Variants in CDC42BPG observed in about 807,000 individuals in gnomAD.
CDC42BPG encodes the protein CDC42 binding protein kinase gamma, also known as serine/threonine-protein kinase MRCK gamma.
In CDC42BPG, 157 loss-of-function variants were observed where a neutral mutation model predicts 192.2. The observed-to-expected ratio is 0.82, with a 90% CI of 0.72 to 0.93. CDC42BPG has a LOEUF of 0.93. CDC42BPG is among the 40% of genes least tolerant of loss of function. CDC42BPG has a pLI of 0.00. For missense variants in CDC42BPG, 1,992 were observed against 2,122.1 expected, an observed-to-expected ratio of 0.94 and a Z score of 1.20; for synonymous variants, 981 against 918.5, an observed-to-expected ratio of 1.07 and a Z score of -1.23.
At position 64,839,373 on chromosome 11, in the gene CDC42BPG, C is replaced by T. The variant is rs1943174740; in HGVS notation, c.675+105G>A. 1.1e-5 allele frequency: 16 copies of T among 1,491,050 alleles called. No homozygotes were observed. The East Asian group carries it at 3.7e-4, about 35-fold the overall frequency. The allele number at this position is 1,491,050 out of a possible 1,614,324, so 92.4% of individuals were successfully genotyped here. A position where few individuals can be genotyped will look rare whatever the true frequency, so the allele number is the denominator to read the frequency against. On this transcript the variant is annotated intron_variant, in intron 6 of 36. Transcript: ENST00000342711. ...CTGGGGCCTGGGTCTCACCCACCTT[C>T]CCCGGGGGGCCTGATGCCTCTGCAC...
At chr11:64,826,328 G>A (rs1424815675) in intron 36 of CDC42BPG, 142 bp downstream of exon 36, 1 of 665,234 alleles carries the variant, frequency 1.5e-6, no homozygotes, top group Non-Finnish European at 2.7e-6. Flanking sequence ...GGTGAGACAG[G>A]TAAGAATCTG....
Position 64,836,949 on chromosome 11 carries a change from T to C in CDC42BPG, c.1276A>G (p.Lys426Glu). Residue 426 changes from lysine (K) to glutamate (E), a missense_variant, in exon 10 of 37, where the codon AAG becomes GAG. Coordinates refer to ENST00000342711, the MANE Select transcript of CDC42BPG (RefSeq NM_017525.3). ...TGGTGCTTCCTGCTCAGCTCCACCTTCTCCTGCTCCAGACACTGGAGCTTC... is the reference window on the plus strand; with the variant it reads ...TGGTGCTTCCTGCTCAGCTCCACCTCCTCCTGCTCCAGACACTGGAGCTTC... ...ERKLQCLEQE[K>E]VELSRKHQEA... 1 of 1,613,188 alleles carries C rather than the reference T, an allele frequency of 6.2e-7. No individual in the cohort carries two copies. The highest frequency in any genetic ancestry group is 1.1e-5 in the South Asian group (1 of 91,060).
At position 64,838,841 on chromosome 11, in the gene CDC42BPG, C is replaced by T. The variant is rs140864228; in HGVS notation, c.938G>A (p.Arg313His). Residue 313 changes from arginine to histidine, a missense_variant, in exon 8 of 37, where the codon CGC becomes CAC. Around this residue, in one of 2 missense-constraint regions of CDC42BPG, gnomAD observed 1,656 missense variants for 1,844.3 expected, o/e 0.90. Coordinates refer to ENST00000342711, the MANE Select transcript of CDC42BPG (RefSeq NM_017525.3). ...DVPASAQDLI[R>H]QLLCRQEERL... ...CTCTTCCTGGCGACACAGCAGCTGG[C>T]GGATCAGGTCTTGGGCGCTGGCTGG... 4.8e-4 allele frequency: 773 copies of T among 1,610,708 alleles called. 2 individuals are homozygous for T. In the East Asian group the frequency reaches 6.2e-3, roughly 13 times the overall value.
rs547209016 is a variant in CDC42BPG, at chr11:64,841,021, C to T, written c.337-373G>A. 7.9e-5 allele frequency among the ~76,000 whole-genome samples: 12 copies of T among 151,968 alleles called. 1 individual carries two copies. Among genetic ancestry groups the T allele is most frequent in the African/African-American group, 2.9e-4 (12 of 41,426 alleles). On this transcript the variant is annotated intron_variant, in intron 3 of 36. Coordinates refer to ENST00000342711, the MANE Select transcript of CDC42BPG (RefSeq NM_017525.3). ...AGAAACTTAGCTGGGTGTCGTGGCA[C>T]ACGCCTGTAATCCCAGCTACTTGGG...
Position 64,829,529 on chromosome 11 carries a change from G to A in CDC42BPG, c.3909C>T (p.Gly1303=), listed in dbSNP as rs118073941. Residue 1303 remains glycine, a synonymous_variant, in exon 30 of 37, where the codon GGC becomes GGT. Transcript: ENST00000342711. ...CGTGGCCACGAGACTTGCGGCCTGCGCCATCCACGTAGATGCCAGCAGTGG... is the reference window on the plus strand; with the variant it reads ...CGTGGCCACGAGACTTGCGGCCTGCACCATCCACGTAGATGCCAGCAGTGG... ...LFTTAGIYVD[G]AGRKSRGHEL... The A allele has an allele frequency of 3.2e-3, 5,083 of 1,612,858 alleles. 11 individuals are homozygous for A. The highest frequency in any genetic ancestry group is 4.0e-3 in the Non-Finnish European group (4,700 of 1,179,898).
chr11:64,835,423 G>A lies in CDC42BPG; in HGVS notation c.1881-4C>T. Reference sequence around the variant, plus strand: ...AGCCTCCTCCTTACCACTCGGCCTGGGGAGGAGAAGGCCAAGGCCGTGACT... The same window carrying A: ...AGCCTCCTCCTTACCACTCGGCCTGAGGAGGAGAAGGCCAAGGCCGTGACT... On this transcript the variant is annotated splice_region_variant and splice_polypyrimidine_tract_variant and intron_variant, in intron 15 of 36. Transcript: ENST00000342711. 2 of 1,613,446 alleles carry A rather than the reference G, an allele frequency of 1.2e-6. No homozygotes were observed. The highest frequency in any genetic ancestry group is 1.6e-4 in the Middle Eastern group (1 of 6,062).
intron 14 of CDC42BPG, 22 bp downstream of exon 14, chr11:64,835,740 C>T (rs577423168): frequency 1.9e-6 from 3 of 1,612,850 alleles, no homozygotes; most frequent in South Asian, 2.2e-5. Context: ...GCACCTCTTG[C>T]CAAGGGGGAG....
At chr11:64,831,798 G>A (rs1048691579) in intron 27 of CDC42BPG, 77 bp from the exon 28 acceptor site, 31 of 1,355,262 alleles carry the variant, frequency 2.3e-5, no homozygotes, top group African/African-American at 2.9e-5. Context: ...TCCAGCAGCC[G>A]CTGTGCCCCG....
At chr11:64,827,456 G>A in intron 32 of CDC42BPG, 58 bp from the exon 33 acceptor site, 3 of 1,604,122 alleles carry the variant, frequency 1.9e-6, no homozygotes, top group Non-Finnish European at 2.6e-6. Flanking sequence ...CCAGTCAGCT[G>A]GCATTCAGGG....
At chr11:64,826,985 C>T in intron 34 of CDC42BPG, 65 bp downstream of exon 34, 3 of 1,279,540 alleles carry the variant, frequency 2.3e-6, no homozygotes, top group Non-Finnish European at 3.4e-6. Flanking sequence ...CTAGAGCTCA[C>T]CACAGAGGCC....
intron 9 of CDC42BPG, 128 bp from the exon 10 acceptor site, chr11:64,837,147 A>C (rs1183969199): frequency 5.0e-6 from 4 of 805,150 alleles, no homozygotes; most frequent in Non-Finnish European, 8.2e-6. Context: ...GGGAGACCCC[A>C]GACTGGTGCC....
At chr11:64,827,904 C>A in intron 30 of CDC42BPG, 121 bp from the exon 31 acceptor site, 1 of 791,704 alleles carries the variant, frequency 1.3e-6, no homozygotes, top group Non-Finnish European at 2.0e-6. Flanking sequence ...CTGAAGACTC[C>A]CTGTCGCCCG....
chr11:64,839,779 G>A (rs1293131812), intron 5 of CDC42BPG, among the ~76,000 whole-genome samples: 2 of 152,222 alleles, frequency 1.3e-5, no homozygotes, highest in Non-Finnish European at 2.9e-5. Context: ...TAGAAAGGAT[G>A]TGTGGGGACA....
chr11:64,838,774 A>T lies in CDC42BPG; in HGVS notation c.1005T>A (p.Pro335=). ...GCTCCCAGTCCACGCCTTCGAAGAA[A>T]GGATGGTTCCGGAAGTCATCCAGCC... ...RGGLDDFRNH[P]FFEGVDWERL... Residue 335 remains proline, a synonymous_variant, in exon 8 of 37, where the codon CCT becomes CCA. Transcript: ENST00000342711. The T allele has an allele frequency of 6.2e-7, 1 of 1,612,928 alleles. No homozygotes were observed. The highest frequency in any genetic ancestry group is 8.5e-7 in the Non-Finnish European group (1 of 1,180,022).
At chr11:64,830,395 A>C (rs1041776890) in intron 28 of CDC42BPG, 139 bp from the exon 29 acceptor site, 1 of 750,952 alleles carries the variant, frequency 1.3e-6, no homozygotes, top group Non-Finnish European at 2.3e-6. Flanking sequence ...TGCCTCACTG[A>C]CCCTTCTCTC....
intron 9 of CDC42BPG, among the ~76,000 whole-genome samples, chr11:64,837,863 G>A (rs1178381346): frequency 1.3e-5 from 2 of 152,204 alleles, no homozygotes; most frequent in South Asian, 2.1e-4. Context: ...CTCGACCTTC[G>A]TGGAAGGCGC....
In CDC42BPG at chr11:64,833,930, A is replaced by G. The variant is rs756230768; in HGVS notation, c.2461T>C (p.Ser821Pro). ...CCCCTTGGCCTGGTCCTTACCTCTG[A>G]GCTCCGGAAGGACAGGAAGGGAATC... ...SLIPFLSFRS[S>P]EKDSAKDPGI... Residue 821 changes from serine to proline, a missense_variant, in exon 21 of 37, where the codon TCA becomes CCA. This residue lies in a region of CDC42BPG where 1,656 missense variants were observed against 1,844.3 expected (regional missense o/e 0.90). Transcript: ENST00000342711. 1.2e-6 allele frequency: 2 copies of G among 1,614,164 alleles called. No individual in the cohort carries two copies. Among genetic ancestry groups the G allele is most frequent in the Non-Finnish European group, 1.7e-6 (2 of 1,180,030 alleles).
rs753249535 is a variant in CDC42BPG at position 64,829,528 on chromosome 11, C to T, written c.3910G>A (p.Ala1304Thr). ...FTTAGIYVDG[A>T]GRKSRGHELL... The stretch of plus-strand genomic sequence containing the variant: ...TCGTGGCCACGAGACTTGCGGCCTG[C>T]GCCATCCACGTAGATGCCAGCAGTG... Residue 1304 changes from alanine to threonine, a missense_variant, in exon 30 of 37, where the codon GCA (alanine) becomes ACA (threonine). Coordinates refer to ENST00000342711, the MANE Select transcript of CDC42BPG (RefSeq NM_017525.3). The T allele has an allele frequency of 2.1e-5, 34 of 1,612,724 alleles. No homozygotes were observed. The highest frequency in any genetic ancestry group is 2.5e-5 in the Non-Finnish European group (30 of 1,179,908).
At chr11:64,839,792 C>T (rs941472479) in intron 5 of CDC42BPG, among the ~76,000 whole-genome samples, 13 of 152,140 alleles carry the variant, frequency 8.5e-5, no homozygotes, top group Admixed American at 7.2e-4. Flanking sequence ...TGGGGACAAC[C>T]CTTGGAGGTG....
Sources: allele counts gnomAD v4.1 joint callset (sites outside exome capture counted in the v4.1 genomes callset), GRCh38; gene constraint gnomAD v4.1.1; regional missense constraint gnomAD v4.1.1; transcripts MANE v1.5; gene names NCBI Gene and HGNC (gene_info 2026-07-23, HGNC 2026-07-21).